PEX16: variants seen among roughly 807,000 people sequenced by gnomAD.
PEX16 encodes peroxisomal biogenesis factor 16.
Under a neutral mutation model 50.5 loss-of-function variants are expected in PEX16, and 37 were observed. The observed-to-expected ratio is 0.73, with a 90% CI of 0.56 to 0.96. The LOEUF is 0.96. PEX16 is among the 40% of genes least tolerant of loss of function. PEX16 has a pLI of 0.00. For missense variants in PEX16, 401 were observed against 438.3 expected (o/e 0.91, Z 0.76); for synonymous variants, 185 against 190.3 (o/e 0.97, Z 0.23).
intron 1 of PEX16, 55 bp from the exon 2 acceptor site, chr11:45,917,548 T>A: frequency 1.2e-6 from 2 of 1,605,562 alleles, no homozygotes; most frequent in South Asian, 1.1e-5. Context: ...ACATTTCGTC[T>A]TCGGGTCCCG....
chr11:45,914,994 C>T (rs906315673), intron 5 of PEX16, among the ~76,000 whole-genome samples: 5 of 152,252 alleles, frequency 3.3e-5, no homozygotes, highest in African/African-American at 1.2e-4. Flanking sequence ...ATGGAGACCA[C>T]AGCACCAGAG....
intron 9 of PEX16, among the ~76,000 whole-genome samples, chr11:45,913,342 G>C (rs2086797125): frequency 1.3e-5 from 2 of 152,094 alleles, no homozygotes; most frequent in South Asian, 4.1e-4. Context: ...ACCCTCGCAG[G>C]TGACTGAGTG....
In PEX16 at chr11:45,913,506, G is replaced by C. The variant is rs570491348; in HGVS notation, c.887+313C>G. Among the ~76,000 whole-genome samples, 5 of 152,140 alleles carry C rather than the reference G, an allele frequency of 3.3e-5. No individual in the cohort carries two copies. In the South Asian group the frequency reaches 1.0e-3, roughly 31 times the overall value. ...GATAAGCCAAACTATTTGGCAGGAA[G>C]AAGTGGAAATGAGCTAGAGGCCATG... On this transcript the variant is annotated intron_variant, in intron 9 of 10. Transcript: ENST00000378750.
intron 2 of PEX16, chr11:45,916,979 C>T (rs1203334840): frequency 2.2e-6 from 1 of 461,884 alleles, no homozygotes; most frequent in Admixed American, 2.3e-5. Flanking sequence ...CTCACCTCTG[C>T]TTTTCAAAAC....
intron 6 of PEX16, 41 bp from the exon 7 acceptor site, chr11:45,914,509 C>G: frequency 1.2e-6 from 2 of 1,610,720 alleles, no homozygotes; most frequent in Non-Finnish European, 1.7e-6. Flanking sequence ...CAGGCCCAGG[C>G]TGGGGCAGGG....
intron 5 of PEX16, among the ~76,000 whole-genome samples, chr11:45,915,104 G>A (rs1011791132): frequency 2.6e-5 from 4 of 152,258 alleles, no homozygotes; most frequent in South Asian, 2.1e-4. Flanking sequence ...AGAAGCTGAC[G>A]GGATGGGCCC....
Position 45,916,886 on chromosome 11 carries a change from T to G in PEX16, c.148+572A>C, listed in dbSNP as rs544864110. 3.1e-4 allele frequency: 123 copies of G among 392,188 alleles called. 2 individuals are homozygous for G. The highest frequency in any genetic ancestry group is 2.2e-3 in the South Asian group (120 of 53,544). The allele number at this position is 392,188 out of a possible 1,614,324, so 24.3% of individuals were successfully genotyped here. The stretch of plus-strand genomic sequence containing the variant: ...GGTTTCACCATGTTGGCCAGGCTGG[T>G]CTCGAACTCCTGACCTCACGTGATC... On this transcript the variant is annotated intron_variant, in intron 2 of 10. Coordinates refer to ENST00000378750, the MANE Select transcript of PEX16 (RefSeq NM_004813.4).
Position 45,914,633 on chromosome 11 carries a change from G to T in PEX16, c.512C>A (p.Ser171Ter). 2.5e-6 allele frequency: 4 copies of T among 1,614,212 alleles called. No homozygotes were observed. Among genetic ancestry groups the T allele is most frequent in the Non-Finnish European group, 3.4e-6 (4 of 1,180,042 alleles). The change falls in exon 6 of 11, where the codon TCA (serine) becomes TAA (stop). Residue 171 changes from serine (S) to a stop codon, truncating the protein, a stop_gained. Transcript: ENST00000378750. LOFTEE classifies it high-confidence loss of function. Reference protein sequence around the residue: ...NHEQSYVGKRSNRVVRTLQNT... With the variant: ...NHEQSYVGKR ...CTGGAGGGTTCGCACCACCCGGTTTGACCGCTTCCCCACGTAGGACTGCTC... is the reference window on the plus strand; with the variant it reads ...CTGGAGGGTTCGCACCACCCGGTTTTACCGCTTCCCCACGTAGGACTGCTC...
chr11:45,914,618 C>T lies in PEX16; in HGVS notation c.527G>A (p.Arg176Gln), dbSNP rs771831186. ...CCTCCACTTACTGTTCTGGAGGGTT[C>T]GCACCACCCGGTTTGACCGCTTCCC... The part of the protein sequence containing the change: ...YVGKRSNRVV[R>Q]TLQNTPSLHS... Residue 176 changes from arginine (R) to glutamine (Q), a missense_variant, in exon 6 of 11, where the codon CGA becomes CAA. By Grantham distance (43) the Arg-to-Gln change is conservative (BLOSUM62 1). Coordinates refer to ENST00000378750, the MANE Select transcript of PEX16 (RefSeq NM_004813.4). 4.3e-6 allele frequency: 7 copies of T among 1,614,044 alleles called. No homozygotes were observed. The highest frequency in any genetic ancestry group is 3.3e-5 in the South Asian group (3 of 91,094).
chr11:45,915,085 G>T (rs758982997), intron 5 of PEX16, among the ~76,000 whole-genome samples: 1 of 152,254 alleles, frequency 6.6e-6, no homozygotes, highest in African/African-American at 2.4e-5. Context: ...TGTCCAGAGA[G>T]TGAGGCCCAG....
intron 2 of PEX16, chr11:45,917,077 A>T (rs926757197): frequency 3.7e-6 from 2 of 543,774 alleles, no homozygotes; most frequent in Admixed American, 2.2e-5. Flanking sequence ...AATCTGGGAG[A>T]TCTAGACTTG....
intron 5 of PEX16, among the ~76,000 whole-genome samples, chr11:45,914,935 C>T (rs2086818657): frequency 6.6e-6 from 1 of 152,232 alleles, no homozygotes; most frequent in African/African-American, 2.4e-5. Context: ...GCCAGCCTCC[C>T]GGAACCCATG....
chr11:45,912,555 G>C (rs1408510588), intron 9 of PEX16, among the ~76,000 whole-genome samples: 1 of 152,148 alleles, frequency 6.6e-6, no homozygotes, highest in Non-Finnish European at 1.5e-5. Flanking sequence ...CCAGACTGGA[G>C]TGCAGTCGCG....
At chr11:45,915,120 C>T (rs954755795) in intron 5 of PEX16, among the ~76,000 whole-genome samples, 1 of 152,240 alleles carries the variant, frequency 6.6e-6, no homozygotes, top group African/African-American at 2.4e-5. Context: ...GGCCCAAAGC[C>T]CTGAAGGGAC....
intron 10 of PEX16, 57 bp downstream of exon 10, chr11:45,910,841 T>C: frequency 7.2e-7 from 1 of 1,394,762 alleles, no homozygotes. Flanking sequence ...GTCAGGGAGG[T>C]GCTTGCATGC....
chr11:45,914,867 G>A (rs2086817754), intron 5 of PEX16, among the ~76,000 whole-genome samples, 183 bp from the exon 6 acceptor site: 1 of 152,204 alleles, frequency 6.6e-6, no homozygotes, highest in Non-Finnish European at 1.5e-5. Context: ...CGTCCACAGA[G>A]GAAAGCACTC....
rs181401059 is a variant in PEX16 at position 45,916,838 on chromosome 11, T to G, written c.149-535A>C. The stretch of plus-strand genomic sequence containing the variant: ...GCACCTGCTACCATGCCCAGCTAAT[T>G]TTTGTATTTTTAGTAGAGATGGGGT... On this transcript the variant is annotated intron_variant, in intron 2 of 10. Transcript: ENST00000378750. 482 of 357,838 alleles carry G rather than the reference T, an allele frequency of 1.3e-3. 4 individuals are homozygous for G. Among genetic ancestry groups the G allele is most frequent in the African/African-American group, 8.9e-3 (417 of 46,870 alleles). The allele number at this position is 357,838 out of a possible 1,614,324, so 22.2% of individuals were successfully genotyped here. A position where few individuals can be genotyped will look rare whatever the true frequency, so the allele number is the denominator to read the frequency against.
chr11:45,915,305 G>A (rs981474662), intron 5 of PEX16, among the ~76,000 whole-genome samples, 163 bp downstream of exon 5: 7 of 152,228 alleles, frequency 4.6e-5, no homozygotes, highest in African/African-American at 1.2e-4. Context: ...GTCCCTAGCC[G>A]CATCATTGTC....
chr11:45,917,126 C>T lies in PEX16; in HGVS notation c.148+332G>A, dbSNP rs185538076. ...GGACCATCAGTGACTGTTCTCTAAC[C>T]TCACTGAGCTTCTTCCTTAAATGGA... On this transcript the variant is annotated intron_variant, in intron 2 of 10. Transcript: ENST00000378750. The T allele has an allele frequency of 2.2e-4, 136 of 624,748 alleles. No homozygotes were observed. The East Asian group carries it at 4.5e-3, about 21-fold the overall frequency. 38.7% of individuals were successfully genotyped at this position (624,748 alleles called of 1,614,324 possible).
Sources: gnomAD v4.1 joint callset for allele counts (sites outside exome capture counted in the v4.1 genomes callset) on GRCh38, gnomAD v4.1.1 for gene constraint, MANE v1.5 for transcripts, NCBI Gene and HGNC (gene_info 2026-07-23, HGNC 2026-07-21) for gene names.